The following CPNE1 variants were observed in gnomAD, a reference collection of about 807,000 sequenced individuals.
The protein encoded by CPNE1 is copine 1.
Under a neutral mutation model 63.2 loss-of-function variants are expected in CPNE1, and 58 were observed. The ratio of observed to expected loss-of-function variants is 0.92; its 90% CI spans 0.74 to 1.14. The LOEUF is 1.14. CPNE1 is among the 50% of genes most tolerant of loss of function. CPNE1 has a pLI of 0.00. For synonymous variants in CPNE1, 237 were observed against 249.0 expected (o/e 0.95, Z 0.45); for missense variants, 672 against 661.7 (o/e 1.02, Z -0.17).
At chr20:35,652,124 TGA>T (rs571353088) in intron 1 of CPNE1, 1 of 160,966 alleles carries the variant, frequency 6.2e-6, no homozygotes, top group Non-Finnish European at 1.4e-5. Context: ...AACCAAATTC[TGA>T]GAGTAGCCAA....
intron 1 of CPNE1, among the ~76,000 whole-genome samples, chr20:35,643,984 A>C: frequency 6.6e-6 from 1 of 152,156 alleles, no homozygotes; most frequent in East Asian, 1.9e-4. Flanking sequence ...GGAGTCATAC[A>C]AGCATCCATG....
At position 35,661,055 on chromosome 20, in the gene CPNE1, A is replaced by G. The variant is rs569607354; in HGVS notation, c.-1+3705T>C. Among the ~76,000 whole-genome samples the G allele has an allele frequency of 3.9e-5, 6 of 152,376 alleles. No homozygotes were observed. The East Asian group carries it at 1.2e-3, about 29-fold the overall frequency. On this transcript the variant is annotated intron_variant, in intron 1 of 15. Coordinates refer to ENST00000397443, the MANE Select transcript of CPNE1 (RefSeq NM_152925.3). Reference sequence around the variant, plus strand: ...AAGTTTTATGTGTACAACTTAAAGCACAAAATCAATCCAGATAGAAATTTA... The same window carrying G: ...AAGTTTTATGTGTACAACTTAAAGCGCAAAATCAATCCAGATAGAAATTTA...
At position 35,626,951 on chromosome 20, in the gene CPNE1, G is replaced by C. The variant is rs551267345; in HGVS notation, c.1237-148C>G. 65 of 714,394 alleles carry C rather than the reference G, an allele frequency of 9.1e-5. No homozygotes were observed. In the African/African-American group the frequency reaches 1.0e-3, roughly 11 times the overall value. The allele number at this position is 714,394 out of a possible 1,614,324, so 44.3% of individuals were successfully genotyped here. A position where few individuals can be genotyped will look rare whatever the true frequency, so the allele number is the denominator to read the frequency against. On this transcript the variant is annotated intron_variant, in intron 14 of 15. Coordinates refer to ENST00000397443, the MANE Select transcript of CPNE1 (RefSeq NM_152925.3). ...ACCTGTAATCCCAGCACTTTGGGAG[G>C]CTAAGGCAGGCGGATCACTTGAGGT...
At position 35,652,879 on chromosome 20, in the gene CPNE1, G is replaced by C. The variant is rs576093977; in HGVS notation, c.-1+11881C>G. 2.5e-6 allele frequency: 4 copies of C among 1,613,334 alleles called. No homozygotes were observed. The East Asian group carries it at 8.9e-5, about 36-fold the overall frequency. Reference sequence around the variant, plus strand: ...TGGTGGCCCACCCAAATGCCCAGGGGCACTTCCAAGACCAGGAGGGCCACT... The same window carrying C: ...TGGTGGCCCACCCAAATGCCCAGGGCCACTTCCAAGACCAGGAGGGCCACT... On this transcript the variant is annotated intron_variant, in intron 1 of 15. Coordinates refer to ENST00000397443, the MANE Select transcript of CPNE1 (RefSeq NM_152925.3).
chr20:35,654,167 C>T, intron 1 of CPNE1: 2 of 1,614,204 alleles, frequency 1.2e-6, no homozygotes, highest in Non-Finnish European at 8.5e-7. Context: ...ATATGGCCTC[C>T]AGCAGCTACC....
intron 13 of CPNE1, 79 bp from the exon 14 acceptor site, chr20:35,627,492 C>A: frequency 2.1e-6 from 3 of 1,453,778 alleles, no homozygotes; most frequent in South Asian, 2.5e-5. Flanking sequence ...CCCATCCCAG[C>A]CCAGGAGATC....
rs767197505 is a variant in CPNE1, at chr20:35,631,585, G to T, written c.628-7C>A. The stretch of plus-strand genomic sequence containing the variant: ...CATAATCGGAGCATTGCACCTGAGG[G>T]AAAGGTGTGTGTGGACATAAACAAG... On this transcript the variant is annotated splice_region_variant and splice_polypyrimidine_tract_variant and intron_variant, in intron 7 of 15. Coordinates refer to ENST00000397443, the MANE Select transcript of CPNE1 (RefSeq NM_152925.3). 1.2e-6 allele frequency: 2 copies of T among 1,613,220 alleles called. No homozygotes were observed. The highest frequency in any genetic ancestry group is 1.7e-6 in the Non-Finnish European group (2 of 1,179,240).
Position 35,627,357 on chromosome 20 carries a change from C to T in CPNE1, c.1159G>A (p.Gly387Ser), listed in dbSNP as rs1193040667. 2 of 1,614,018 alleles carry T rather than the reference C, an allele frequency of 1.2e-6. No individual in the cohort carries two copies. The highest frequency in any genetic ancestry group is 1.7e-6 in the Non-Finnish European group (2 of 1,180,032). The change falls in exon 14 of 16, where the codon GGC becomes AGC. Residue 387 changes from glycine to serine, a missense_variant. Coordinates refer to ENST00000397443, the MANE Select transcript of CPNE1 (RefSeq NM_152925.3). Reference protein sequence around the residue: ...RQALPQVRLYGPTNFAPIINH... With the variant: ...RQALPQVRLYSPTNFAPIINH... ...ATGATGGGTGCAAAGTTGGTAGGGC[C>T]ATAGAGGCGAACTTGGGGCAGGGCT...
chr20:35,654,701 T>C (rs141618982), intron 1 of CPNE1: 270 of 1,613,432 alleles, frequency 1.7e-4, no homozygotes, highest in Non-Finnish European at 2.2e-4. Context: ...GGAACTGGAA[T>C]TGGGGGAATG....
intron 1 of CPNE1, among the ~76,000 whole-genome samples, chr20:35,638,256 C>T (rs2032599846): frequency 3.9e-5 from 6 of 152,158 alleles, no homozygotes; most frequent in Admixed American, 3.9e-4. Flanking sequence ...AATAAATCTC[C>T]CCTATCCTGA....
At chr20:35,642,602 C>T (rs2032876610) in intron 1 of CPNE1, among the ~76,000 whole-genome samples, 1 of 152,206 alleles carries the variant, frequency 6.6e-6, no homozygotes, top group Admixed American at 6.5e-5. Flanking sequence ...CATCAAAGGA[C>T]ATGGAGAAGG....
intron 1 of CPNE1, among the ~76,000 whole-genome samples, chr20:35,648,002 T>G (rs557524503): frequency 1.3e-5 from 2 of 150,560 alleles, no homozygotes; most frequent in South Asian, 4.2e-4. Context: ...GAGGTGGAGG[T>G]TGCAGTGAGC....
chr20:35,663,174 A>G (rs2034330164), intron 1 of CPNE1, among the ~76,000 whole-genome samples: 1 of 152,228 alleles, frequency 6.6e-6, no homozygotes, highest in Non-Finnish European at 1.5e-5. Context: ...CACACTTTCC[A>G]CTAAATCCAG....
At chr20:35,659,944 G>A (rs1295441497) in intron 1 of CPNE1, among the ~76,000 whole-genome samples, 1 of 152,090 alleles carries the variant, frequency 6.6e-6, no homozygotes, top group Non-Finnish European at 1.5e-5. Context: ...TTTTCCAAAT[G>A]ATGCTCATCT....
At chr20:35,645,963 C>T (rs557890628) in intron 1 of CPNE1, among the ~76,000 whole-genome samples, 17 of 151,922 alleles carry the variant, frequency 1.1e-4, no homozygotes, top group Non-Finnish European at 2.4e-4. Context: ...GAAACTGAGG[C>T]CAGGCATAGT....
intron 13 of CPNE1, among the ~76,000 whole-genome samples, chr20:35,628,731 G>A (rs921383810): frequency 1.5e-4 from 23 of 152,220 alleles, no homozygotes; most frequent in African/African-American, 5.5e-4. Flanking sequence ...TGTGATCTGA[G>A]ATTTTCTTTT....
intron 1 of CPNE1, among the ~76,000 whole-genome samples, chr20:35,636,449 T>C (rs74344120): frequency 2.7e-3 from 415 of 152,342 alleles, no homozygotes; most frequent in African/African-American, 8.9e-3. Flanking sequence ...AACAACGGAA[T>C]GCTGAATAGT....
intron 1 of CPNE1, among the ~76,000 whole-genome samples, chr20:35,640,881 CCAA>C (rs1337387402): frequency 6.6e-6 from 1 of 152,148 alleles, no homozygotes; most frequent in Non-Finnish European, 1.5e-5. Context: ...CTAGGAACAC[CCAA>C]CACCAAACAC....
chr20:35,629,144 G>A lies in CPNE1; in HGVS notation c.1102+1295C>T, dbSNP rs73104734. 6.2e-3 allele frequency among the ~76,000 whole-genome samples: 944 copies of A among 152,306 alleles called. 6 individuals carry two copies. Among genetic ancestry groups the A allele is most frequent in the Non-Finnish European group, 0.01 (681 of 68,026 alleles). ...GTATGAGAAAAGAGAAAACAAATGT[G>A]GTAAAATGTTATGTTAGGGTAATTG... On this transcript the variant is annotated intron_variant, in intron 13 of 15. Transcript: ENST00000397443.
Sources: gnomAD v4.1 joint callset for allele counts (sites outside exome capture counted in the v4.1 genomes callset) on GRCh38, gnomAD v4.1.1 for gene constraint, MANE v1.5 for transcripts, NCBI Gene and HGNC (gene_info 2026-07-23, HGNC 2026-07-21) for gene names.